Variants in CNTN6 observed in about 807,000 individuals in gnomAD.
CNTN6 encodes the protein contactin 6, also known as contactin-6.
CNTN6 carries 137 observed loss-of-function variants against 122.8 expected under a neutral mutation model. That is an observed-to-expected ratio of 1.12 (90% CI 0.97 to 1.29). The LOEUF is 1.29. CNTN6 is among the 50% of genes most tolerant of loss of function. The pLI, the probability that CNTN6 is intolerant of heterozygous loss-of-function variation, is 0.00. For missense variants in CNTN6, 1,634 were observed against 1,223.4 expected (o/e 1.34, Z -5.01); for synonymous variants, 570 against 426.0 (o/e 1.34, Z -4.16).
rs2091792058 is a variant in CNTN6 at position 1,117,940 on chromosome 3, C to A, written c.-83+24820C>A. On this transcript the variant is annotated intron_variant, in intron 1 of 22. Transcript: ENST00000446702. ...GATTCACACCATTCTGCACATTTTACTGAATTTTCTCCCTTCCCTGTCTCA... is the reference window on the plus strand; with the variant it reads ...GATTCACACCATTCTGCACATTTTAATGAATTTTCTCCCTTCCCTGTCTCA... Among the ~76,000 whole-genome samples the A allele has an allele frequency of 2.0e-5, 3 of 152,140 alleles. No individual in the cohort carries two copies. The South Asian group carries it at 6.2e-4, about 32-fold the overall frequency.
At chr3:1,249,799 C>A (rs760767632) in intron 4 of CNTN6, among the ~76,000 whole-genome samples, 4 of 152,138 alleles carry the variant, frequency 2.6e-5, no homozygotes, top group Non-Finnish European at 5.9e-5. Context: ...CCCTTGAGCA[C>A]AAAGGATTTT....
intron 2 of CNTN6, among the ~76,000 whole-genome samples, chr3:1,155,058 G>A (rs1333160468): frequency 6.6e-6 from 1 of 152,058 alleles, no homozygotes; most frequent in Non-Finnish European, 1.5e-5. Context: ...ATAGTCTGAC[G>A]TTCCCTTAGG....
chr3:1,230,440 A>G (rs1052041426), intron 4 of CNTN6, among the ~76,000 whole-genome samples: 1 of 152,132 alleles, frequency 6.6e-6, no homozygotes, highest in Non-Finnish European at 1.5e-5. Context: ...TTTCACTATT[A>G]TTACCTATCT....
chr3:1,313,393 A>G (rs952903426), intron 7 of CNTN6, among the ~76,000 whole-genome samples: 6 of 152,060 alleles, frequency 3.9e-5, no homozygotes, highest in African/African-American at 1.4e-4. Context: ...CTCTGTTCAT[A>G]ATCTTGGTAT....
At chr3:1,374,222 A>G (rs762806277) in intron 16 of CNTN6, 149 bp downstream of exon 16, 23 of 676,228 alleles carry the variant, frequency 3.4e-5, no homozygotes, top group Non-Finnish European at 4.8e-5. Flanking sequence ...TTATTTTTAC[A>G]TACACAAGGC....
intron 7 of CNTN6, among the ~76,000 whole-genome samples, chr3:1,298,663 AGAAG>A (rs1696694285): frequency 6.6e-6 from 1 of 152,152 alleles, no homozygotes; most frequent in East Asian, 1.9e-4. Flanking sequence ...CCAGAAAAAA[AGAAG>A]GAGACAGATA....
At chr3:1,149,267 T>C (rs1165210628) in intron 2 of CNTN6, among the ~76,000 whole-genome samples, 4 of 152,152 alleles carry the variant, frequency 2.6e-5, no homozygotes, top group African/African-American at 9.7e-5. Context: ...TGGACATTGA[T>C]TAGATCATAT....
rs1472072661 is a variant in CNTN6 at position 1,397,442 on chromosome 3, G to A, written c.2705-3991G>A. Among the ~76,000 whole-genome samples the A allele has an allele frequency of 2.6e-5, 4 of 152,180 alleles. No homozygotes were observed. In the East Asian group the frequency reaches 7.7e-4, roughly 29 times the overall value. On this transcript the variant is annotated intron_variant, in intron 20 of 22. Transcript: ENST00000446702. ...TATTATTGTTGCTGTTGATGATGATGATACTAGTATTATTAAACAAATATC... is the reference window on the plus strand; with the variant it reads ...TATTATTGTTGCTGTTGATGATGATAATACTAGTATTATTAAACAAATATC...
chr3:1,289,269 G>C (rs768089173), intron 5 of CNTN6, among the ~76,000 whole-genome samples: 1 of 152,162 alleles, frequency 6.6e-6, no homozygotes, highest in Non-Finnish European at 1.5e-5. Flanking sequence ...CCCAGTGCAG[G>C]CTGGCTCTTC....
chr3:1,284,325 T>G (rs2125818798), intron 5 of CNTN6, among the ~76,000 whole-genome samples: 1 of 152,306 alleles, frequency 6.6e-6, no homozygotes. Flanking sequence ...GTGCTAAAAC[T>G]TAACATCCCC....
At chr3:1,104,464 G>T (rs535152955) in intron 1 of CNTN6, among the ~76,000 whole-genome samples, 20 of 152,136 alleles carry the variant, frequency 1.3e-4, no homozygotes, top group Non-Finnish European at 2.2e-4. Context: ...TCCCTGAAAG[G>T]TATTCATTTT....
At chr3:1,306,677 T>C (rs1043686182) in intron 7 of CNTN6, among the ~76,000 whole-genome samples, 1 of 152,096 alleles carries the variant, frequency 6.6e-6, no homozygotes, top group Non-Finnish European at 1.5e-5. Flanking sequence ...AGCAGAATGT[T>C]TGTAAGGACT....
At chr3:1,248,288 G>A (rs1029906548) in intron 4 of CNTN6, among the ~76,000 whole-genome samples, 1 of 152,048 alleles carries the variant, frequency 6.6e-6, no homozygotes, top group African/African-American at 2.4e-5. Context: ...AGGGAATAAT[G>A]GGAATTTATA....
At chr3:1,130,911 A>C (rs1237776193) in intron 1 of CNTN6, among the ~76,000 whole-genome samples, 2 of 152,174 alleles carry the variant, frequency 1.3e-5, no homozygotes, top group South Asian at 2.1e-4. Flanking sequence ...TTATAAATTA[A>C]GATGGAACTT....
In CNTN6 at chr3:1,228,236, A is replaced by C. The variant is rs111370088; in HGVS notation, c.358+243A>C. Among the ~76,000 whole-genome samples the C allele has an allele frequency of 3.1e-3, 475 of 152,312 alleles. 4 individuals are homozygous for C. Among genetic ancestry groups the C allele is most frequent in the African/African-American group, 0.011 (448 of 41,564 alleles). ...ATTATATTTTGTGAATTATTTTTAG[A>C]AACATTTCTAAAAGTTTCAGACATA... On this transcript the variant is annotated intron_variant, in intron 4 of 22. Coordinates refer to ENST00000446702, the MANE Select transcript of CNTN6 (RefSeq NM_001289080.2).
chr3:1,180,445 T>C (rs1454544257), intron 2 of CNTN6, among the ~76,000 whole-genome samples: 1 of 152,194 alleles, frequency 6.6e-6, no homozygotes, highest in African/African-American at 2.4e-5. Context: ...GATGAATCAA[T>C]TTTTTTCCCT....
chr3:1,126,267 T>C (rs1035093641), intron 1 of CNTN6, among the ~76,000 whole-genome samples: 2 of 151,866 alleles, frequency 1.3e-5, no homozygotes, highest in African/African-American at 4.8e-5. Flanking sequence ...AAAACATGTA[T>C]ATACATGTAT....
chr3:1,269,440 T>A (rs894720545), intron 4 of CNTN6, among the ~76,000 whole-genome samples: 1 of 152,216 alleles, frequency 6.6e-6, no homozygotes, highest in African/African-American at 2.4e-5. Flanking sequence ...GGCATCTCAA[T>A]GTATCCTATG....
chr3:1,175,835 T>C (rs1478201026), intron 2 of CNTN6, among the ~76,000 whole-genome samples: 2 of 150,596 alleles, frequency 1.3e-5, no homozygotes, highest in African/African-American at 4.8e-5. Context: ...AGATTTAGGA[T>C]GTAATTGAAG....
Sources: allele counts gnomAD v4.1 joint callset (sites outside exome capture counted in the v4.1 genomes callset), GRCh38; gene constraint gnomAD v4.1.1; transcripts MANE v1.5; gene names NCBI Gene and HGNC (gene_info 2026-07-23, HGNC 2026-07-21).